The following SLC12A8 variants were observed in gnomAD, a reference collection of about 807,000 sequenced individuals.
SLC12A8 encodes solute carrier family 12 member 8, also known as cation-chloride cotransporter 9.
In SLC12A8, 69 loss-of-function variants were observed where a neutral mutation model predicts 75.6. The ratio of observed to expected loss-of-function variants is 0.91; its 90% CI spans 0.75 to 1.11. The LOEUF (loss-of-function observed/expected upper bound fraction) is 1.11, where lower values mean the gene tolerates loss of function less well. Ranked by LOEUF, SLC12A8 falls within the 50% of genes most tolerant of loss-of-function variation. The pLI is 0.00. For missense variants in SLC12A8, 877 were observed against 896.7 expected (o/e 0.98, Z 0.28); for synonymous variants, 365 against 372.8 (o/e 0.98, Z 0.24).
intron 3 of SLC12A8, among the ~76,000 whole-genome samples, 189 bp downstream of exon 3, chr3:125,190,186 C>T (rs1579536043): frequency 2.0e-5 from 3 of 152,198 alleles, no homozygotes; most frequent in Non-Finnish European, 1.5e-5. Context: ...ATTAGAAATT[C>T]GGAAGCCTAT....
At chr3:125,143,957 A>G (rs959920534) in intron 5 of SLC12A8, among the ~76,000 whole-genome samples, 1 of 152,240 alleles carries the variant, frequency 6.6e-6, no homozygotes, top group African/African-American at 2.4e-5. Flanking sequence ...TTCATGAAGA[A>G]TGGTTTCTAA....
chr3:125,098,414 G>C (rs1235030035), intron 10 of SLC12A8, among the ~76,000 whole-genome samples: 3 of 152,098 alleles, frequency 2.0e-5, no homozygotes, highest in Non-Finnish European at 4.4e-5. Flanking sequence ...TTGATAAACA[G>C]TTCCCTCAAA....
intron 10 of SLC12A8, among the ~76,000 whole-genome samples, chr3:125,095,800 G>A (rs180960282): frequency 2.1e-4 from 32 of 152,370 alleles, no homozygotes; most frequent in Non-Finnish European, 2.9e-5. Context: ...CTCCCACGGA[G>A]TTGGAACACC....
chr3:125,084,552 C>T (rs753796534), intron 13 of SLC12A8, among the ~76,000 whole-genome samples: 16 of 152,206 alleles, frequency 1.1e-4, no homozygotes, highest in African/African-American at 3.6e-4. Context: ...GCTTTTGACA[C>T]CAAGGTGGCC....
chr3:125,097,810 G>A (rs1938754969), intron 10 of SLC12A8, among the ~76,000 whole-genome samples: 1 of 152,058 alleles, frequency 6.6e-6, no homozygotes, highest in Non-Finnish European at 1.5e-5. Context: ...GCTGGAGAAA[G>A]CAAGTTGTAC....
chr3:125,177,447 C>T (rs931752643), intron 5 of SLC12A8, among the ~76,000 whole-genome samples: 1 of 151,714 alleles, frequency 6.6e-6, no homozygotes, highest in East Asian at 1.9e-4. Flanking sequence ...ATGTTGTGCA[C>T]ATGTTATCCT....
intron 10 of SLC12A8, among the ~76,000 whole-genome samples, chr3:125,101,520 C>A (rs1938874251): frequency 6.6e-6 from 1 of 152,188 alleles, no homozygotes; most frequent in East Asian, 1.9e-4. Context: ...GGTATGCTTT[C>A]ATCAGTTGTG....
At chr3:125,199,688 A>G (rs1327421326) in intron 2 of SLC12A8, among the ~76,000 whole-genome samples, 4 of 151,938 alleles carry the variant, frequency 2.6e-5, no homozygotes, top group Non-Finnish European at 2.9e-5. Flanking sequence ...CGAGGCTACA[A>G]TGAACTATGC....
intron 5 of SLC12A8, among the ~76,000 whole-genome samples, chr3:125,159,015 C>A (rs1934107161): frequency 6.6e-6 from 1 of 152,176 alleles, no homozygotes; most frequent in Non-Finnish European, 1.5e-5. Flanking sequence ...AGTCCTGAAT[C>A]TAGGACTGTA....
chr3:125,125,118 C>CG (rs1357128912), intron 6 of SLC12A8, among the ~76,000 whole-genome samples: 4 of 96,906 alleles, frequency 4.1e-5, no homozygotes, highest in Admixed American at 3.1e-4. Context: ...TGGCATTGAA[C>CG]CCTTTTTTTT....
At chr3:125,188,948 C>T (rs886521476) in intron 3 of SLC12A8, among the ~76,000 whole-genome samples, 6 of 152,188 alleles carry the variant, frequency 3.9e-5, no homozygotes, top group African/African-American at 1.2e-4. Context: ...TCCTGTACAT[C>T]CCACTATAAA....
At chr3:125,208,789 CACAGAGAG>C (rs1416601719) in intron 2 of SLC12A8, among the ~76,000 whole-genome samples, 1 of 98,444 alleles carries the variant, frequency 1.0e-5, no homozygotes, top group African/African-American at 3.7e-5. Flanking sequence ...CACACACACA[CACAGAGAG>C]AGAGAGAGAG....
At chr3:125,119,966 G>T (rs1933005633) in intron 7 of SLC12A8, 16 of 454,194 alleles carry the variant, frequency 3.5e-5, no homozygotes, top group South Asian at 2.3e-4. Context: ...TTGTGTGGGT[G>T]GCACAGTGTG....
chr3:125,115,512 A>G (rs1939288701), intron 8 of SLC12A8, among the ~76,000 whole-genome samples: 1 of 152,084 alleles, frequency 6.6e-6, no homozygotes, highest in Non-Finnish European at 1.5e-5. Context: ...AACAAGAGCA[A>G]AACTCCATCT....
intron 4 of SLC12A8, among the ~76,000 whole-genome samples, chr3:125,184,789 G>T (rs1158837544): frequency 6.6e-6 from 1 of 151,544 alleles, no homozygotes; most frequent in Admixed American, 6.6e-5. Flanking sequence ...ATCAATAAAG[G>T]TCAGAGCAGA....
intron 6 of SLC12A8, among the ~76,000 whole-genome samples, chr3:125,132,843 C>T (rs1225420122): frequency 1.3e-5 from 2 of 152,036 alleles, no homozygotes; most frequent in Non-Finnish European, 1.5e-5. Flanking sequence ...CTTGAAGATC[C>T]CCAACATTGG....
chr3:125,155,860 A>C (rs1022860317), intron 5 of SLC12A8, among the ~76,000 whole-genome samples: 1 of 151,922 alleles, frequency 6.6e-6, no homozygotes, highest in African/African-American at 2.4e-5. Context: ...AAAAAAAAAA[A>C]AAACCCAACT....
chr3:125,183,170 C>T (rs1463279670), intron 4 of SLC12A8, among the ~76,000 whole-genome samples: 2 of 152,156 alleles, frequency 1.3e-5, no homozygotes, highest in Non-Finnish European at 2.9e-5. Context: ...GCAATCCAGC[C>T]ACCCCAGAGG....
At chr3:125,101,640 T>G (rs1414010866) in intron 10 of SLC12A8, among the ~76,000 whole-genome samples, 1 of 152,230 alleles carries the variant, frequency 6.6e-6, no homozygotes, top group Non-Finnish European at 1.5e-5. Context: ...TTAAAAAATC[T>G]CTCTTGCACA....
Sources: gnomAD v4.1 joint callset for allele counts (sites outside exome capture counted in the v4.1 genomes callset) on GRCh38, gnomAD v4.1.1 for gene constraint, MANE v1.5 for transcripts, NCBI Gene and HGNC (gene_info 2026-07-23, HGNC 2026-07-21) for gene names.